MYO1E: variants seen among roughly 807,000 people sequenced by gnomAD.
MYO1E encodes the protein unconventional myosin-Ie.
Under a neutral mutation model 151.1 loss-of-function variants are expected in MYO1E, and 68 were observed. That is an observed-to-expected ratio of 0.45 (90% CI 0.37 to 0.55). The LOEUF (loss-of-function observed/expected upper bound fraction) is 0.55, where lower values mean the gene tolerates loss of function less well. Among genes scored for constraint, MYO1E ranks in the 20% least tolerant of loss-of-function variants. MYO1E has a pLI of 0.00. For synonymous variants in MYO1E, 601 were observed against 501.7 expected (o/e 1.20, Z -2.64); for missense variants, 1,363 against 1,389.3 (o/e 0.98, Z 0.30).
At chr15:59,218,446 G>A in intron 9 of MYO1E, 1 of 393,526 alleles carries the variant, frequency 2.5e-6, no homozygotes, top group Non-Finnish European at 4.8e-6. Flanking sequence ...AGCCAGGAAG[G>A]AACTCAATCA....
intron 5 of MYO1E, among the ~76,000 whole-genome samples, chr15:59,234,227 T>TGGAG (rs1390463694): frequency 3.0e-5 from 3 of 99,380 alleles, no homozygotes; most frequent in East Asian, 4.6e-4. Flanking sequence ...GATGGATGGA[T>TGGAG]GGATGGATGG....
At chr15:59,333,005 T>C (rs1267987601) in intron 1 of MYO1E, among the ~76,000 whole-genome samples, 1 of 152,172 alleles carries the variant, frequency 6.6e-6, no homozygotes, top group African/African-American at 2.4e-5. Context: ...GACAGAGATG[T>C]GCATTCCAAA....
chr15:59,158,942 A>G (rs1377049078), intron 24 of MYO1E, among the ~76,000 whole-genome samples: 1 of 152,198 alleles, frequency 6.6e-6, no homozygotes. Flanking sequence ...AAAGGAACAC[A>G]CTGTGGGTCA....
rs151079282 is a variant in MYO1E at position 59,251,135 on chromosome 15, C to T, written c.332+5149G>A. ...AAATACCTCCTGCCTCTCTAGTAGT[C>T]GGTGACCTCCGCTTAGTATCAAACA... On this transcript the variant is annotated intron_variant, in intron 4 of 27. Transcript: ENST00000288235. 1.2e-4 allele frequency among the ~76,000 whole-genome samples: 18 copies of T among 152,272 alleles called. No individual in the cohort carries two copies. The East Asian group carries it at 2.1e-3, about 18-fold the overall frequency.
intron 1 of MYO1E, among the ~76,000 whole-genome samples, chr15:59,327,908 C>A (rs1308313520): frequency 2.0e-5 from 3 of 152,156 alleles, no homozygotes; most frequent in Non-Finnish European, 4.4e-5. Context: ...TTGGGAAGGG[C>A]TGAAACTTCT....
chr15:59,243,318 C>A (rs1444480942), intron 4 of MYO1E, among the ~76,000 whole-genome samples: 1 of 152,042 alleles, frequency 6.6e-6, no homozygotes, highest in African/African-American at 2.4e-5. Flanking sequence ...AAGGAACACA[C>A]TGAAATATTG....
intron 12 of MYO1E, among the ~76,000 whole-genome samples, chr15:59,213,146 TTATTATTA>T (rs2079890942): frequency 6.3e-5 from 3 of 47,592 alleles, no homozygotes; most frequent in African/African-American, 1.2e-4. Flanking sequence ...TTTATTATTA[TTATTATTA>T]TTATTATTAT....
chr15:59,196,805 T>C (rs146155033), intron 16 of MYO1E, among the ~76,000 whole-genome samples: 57 of 152,266 alleles, frequency 3.7e-4, no homozygotes, highest in African/African-American at 1.3e-3. Context: ...TTGCCTCTTA[T>C]GTTCTTTGAT....
intron 9 of MYO1E, among the ~76,000 whole-genome samples, chr15:59,221,088 C>T (rs1276716127): frequency 1.3e-5 from 2 of 148,572 alleles, no homozygotes; most frequent in South Asian, 2.1e-4. Context: ...GATGGAGACT[C>T]GCTCGTTGCC....
chr15:59,298,166 T>G (rs1356942630), intron 1 of MYO1E, among the ~76,000 whole-genome samples: 1 of 152,212 alleles, frequency 6.6e-6, no homozygotes, highest in African/African-American at 2.4e-5. Context: ...TTTGCGACTA[T>G]GTAAATATCC....
Position 59,263,142 on chromosome 15 carries a change from T to C in MYO1E, c.148-1633A>G, listed in dbSNP as rs572322046. 9.2e-5 allele frequency among the ~76,000 whole-genome samples: 14 copies of C among 152,338 alleles called. No individual in the cohort carries two copies. In the South Asian group the frequency reaches 1.4e-3, roughly 16 times the overall value. ...AAACAGAAAGTTATTTACAAATATA[T>C]AGTTTTAGATAAAGACTTAAAACTA... On this transcript the variant is annotated intron_variant, in intron 2 of 27. Transcript: ENST00000288235.
At chr15:59,321,476 A>G (rs774363823) in intron 1 of MYO1E, among the ~76,000 whole-genome samples, 9 of 152,272 alleles carry the variant, frequency 5.9e-5, no homozygotes, top group Non-Finnish European at 1.3e-4. Context: ...TGTGGTACAT[A>G]TATACCATGG....
chr15:59,211,026 C>T (rs934414764), intron 12 of MYO1E, among the ~76,000 whole-genome samples: 10 of 151,878 alleles, frequency 6.6e-5, no homozygotes, highest in Non-Finnish European at 1.2e-4. Context: ...ATGGTGAAAC[C>T]CTGTCTCTAC....
rs755692949 is a variant in MYO1E, at chr15:59,214,211, G to C, written c.1275+17C>G. 2 of 1,584,202 alleles carry C rather than the reference G, an allele frequency of 1.3e-6. No homozygotes were observed. The highest frequency in any genetic ancestry group is 1.7e-6 in the Non-Finnish European group (2 of 1,154,526). ...AAATTATAAATAGAATAGGATGAAG[G>C]AAGAGGGACTGCTTACCTGTTCTGC... On this transcript the variant is annotated intron_variant, in intron 12 of 27. Transcript: ENST00000288235.
At chr15:59,269,951 G>A (rs1332941355) in intron 2 of MYO1E, among the ~76,000 whole-genome samples, 2 of 151,848 alleles carry the variant, frequency 1.3e-5, no homozygotes, top group Non-Finnish European at 2.9e-5. Context: ...ACTTTGCAGA[G>A]AGTCTGTTAC....
chr15:59,252,127 A>C (rs1017677072), intron 4 of MYO1E, among the ~76,000 whole-genome samples: 1 of 152,176 alleles, frequency 6.6e-6, no homozygotes, highest in Non-Finnish European at 1.5e-5. Context: ...AAATCTTAAA[A>C]ATTAATTGAA....
At chr15:59,162,671 A>G (rs1264089488) in intron 23 of MYO1E, among the ~76,000 whole-genome samples, 38 of 151,726 alleles carry the variant, frequency 2.5e-4, no homozygotes, top group Admixed American at 1.8e-3. Flanking sequence ...AAAAAAAAAA[A>G]AAAGAAAGAA....
chr15:59,363,601 C>T (rs1401243654), intron 1 of MYO1E, among the ~76,000 whole-genome samples: 3 of 152,152 alleles, frequency 2.0e-5, no homozygotes, highest in African/African-American at 7.2e-5. Context: ...TGGTCACATA[C>T]AAATTGTGTG....
At chr15:59,192,463 T>C (rs1475754461) in intron 17 of MYO1E, among the ~76,000 whole-genome samples, 1 of 152,170 alleles carries the variant, frequency 6.6e-6, no homozygotes, top group Non-Finnish European at 1.5e-5. Flanking sequence ...CAAGCAGCTA[T>C]TGCAAAATTT....
Sources: allele counts gnomAD v4.1 joint callset (sites outside exome capture counted in the v4.1 genomes callset), GRCh38; gene constraint gnomAD v4.1.1; transcripts MANE v1.5; gene names NCBI Gene and HGNC (gene_info 2026-07-23, HGNC 2026-07-21).